The following ADAM28 variants were observed in gnomAD, a reference collection of about 807,000 sequenced individuals.
ADAM28 encodes disintegrin and metalloproteinase domain-containing protein 28.
ADAM28 carries 105 observed loss-of-function variants against 101.2 expected under a neutral mutation model. That is an observed-to-expected ratio of 1.04 (90% CI 0.89 to 1.22). The LOEUF is 1.22. Ranked by LOEUF, ADAM28 falls within the 50% of genes most tolerant of loss-of-function variation. The pLI is 0.00. For synonymous variants in ADAM28, 322 were observed against 310.6 expected (o/e 1.04, Z -0.39); for missense variants, 1,028 against 945.4 (o/e 1.09, Z -1.15).
intron 13 of ADAM28, among the ~76,000 whole-genome samples, chr8:24,333,367 A>G (rs963735286): frequency 1.3e-5 from 2 of 152,180 alleles, no homozygotes; most frequent in African/African-American, 2.4e-5. Flanking sequence ...TAAGAGACCG[A>G]TACATCAATT....
chr8:24,313,758 AT>A (rs11458720), intron 6 of ADAM28, among the ~76,000 whole-genome samples, 178 bp downstream of exon 6: 2,830 of 139,108 alleles, frequency 0.02, 69 homozygotes, highest in African/African-American at 0.062. Flanking sequence ...GGAATCAACT[AT>A]TTTTTTTTTT....
intron 18 of ADAM28, among the ~76,000 whole-genome samples, chr8:24,344,448 A>G (rs566929233): frequency 6.6e-6 from 1 of 152,266 alleles, no homozygotes; most frequent in East Asian, 1.9e-4. Context: ...TCAGGTGATG[A>G]GCCAATCTTG....
rs1811679946 is a variant in ADAM28, at chr8:24,320,178, TAGA to T, written c.577-53_577-51del. On this transcript the variant is annotated intron_variant, in intron 6 of 22. Transcript: ENST00000265769. ...TTATAAAATTACAGATGTCAAATAA[TAGA>T]AGAACTTTTGCAGAAAACAATATTG... 4.0e-6 allele frequency: 5 copies of T among 1,261,614 alleles called. No individual in the cohort carries two copies. In the African/African-American group the frequency reaches 7.6e-5, roughly 19 times the overall value. 78.2% of individuals were successfully genotyped at this position (1,261,614 alleles called of 1,614,324 possible). A position where few individuals can be genotyped will look rare whatever the true frequency, so the allele number is the denominator to read the frequency against.
intron 2 of ADAM28, among the ~76,000 whole-genome samples, chr8:24,305,912 C>G (rs1418625074): frequency 6.6e-6 from 1 of 151,920 alleles, no homozygotes; most frequent in South Asian, 2.1e-4. Context: ...TTTGAATTAC[C>G]CCACAATAAC....
At chr8:24,313,272 A>C (rs1810711861) in intron 5 of ADAM28, 116 bp from the exon 6 acceptor site, 1 of 936,998 alleles carries the variant, frequency 1.1e-6, no homozygotes, top group Non-Finnish European at 1.5e-6. Flanking sequence ...CCATGAGCTT[A>C]AATTGTTTTT....
chr8:24,324,392 A>G (rs991766627), intron 9 of ADAM28, among the ~76,000 whole-genome samples: 7 of 152,120 alleles, frequency 4.6e-5, no homozygotes, highest in African/African-American at 1.7e-4. Flanking sequence ...TTTATTTCCC[A>G]CTGAAATGAC....
intron 1 of ADAM28, 176 bp from the exon 2 acceptor site, chr8:24,299,785 TTAAGAGGAAAGAG>T: frequency 2.2e-6 from 1 of 457,520 alleles, no homozygotes; most frequent in Non-Finnish European, 3.9e-6. Context: ...AAGTAAAACT[TTAAGAGGAAAGAG>T]TAGCTTTCTG....
Position 24,341,612 on chromosome 8 carries a change from G to A in ADAM28, c.1685G>A (p.Gly562Glu), listed in dbSNP as rs1309532144. The A allele has an allele frequency of 1.9e-6, 3 of 1,613,152 alleles. No homozygotes were observed. The highest frequency in any genetic ancestry group is 2.5e-6 in the Non-Finnish European group (3 of 1,179,476). Residue 562 changes from glycine to glutamate, a missense_variant, in exon 16 of 23, where the codon GGG becomes GAG. By Grantham distance (98) the Gly-to-Glu change is moderately conservative. Transcript: ENST00000265769. ...IPCKANDTMCGKLFCQGGSDN... is the reference protein window; with the variant it reads ...IPCKANDTMCEKLFCQGGSDN... The stretch of plus-strand genomic sequence containing the variant: ...TTTTTCCTCAGTGATACCATGTGTG[G>A]GAAGTTGTTCTGTCAAGGTGGGTCG...
chr8:24,323,812 G>C (rs1452119151), intron 8 of ADAM28, 22 bp from the exon 9 acceptor site: 1 of 1,587,210 alleles, frequency 6.3e-7, no homozygotes, highest in Middle Eastern at 1.7e-4. Flanking sequence ...TAATTGCTTT[G>C]CCATTTATTT....
intron 1 of ADAM28, among the ~76,000 whole-genome samples, chr8:24,299,123 G>A (rs527979417): frequency 1.2e-3 from 187 of 152,244 alleles, no homozygotes; most frequent in Non-Finnish European, 2.4e-3. Context: ...AGCCCAGGAT[G>A]TTGAGGCTGC....
At position 24,330,036 on chromosome 8, in the gene ADAM28, G is replaced by C. The variant is rs1324560118; in HGVS notation, c.1024G>C (p.Gly342Arg). 3.7e-6 allele frequency: 6 copies of C among 1,613,600 alleles called. No homozygotes were observed. Among genetic ancestry groups the C allele is most frequent in the Non-Finnish European group, 5.1e-6 (6 of 1,179,720 alleles). Residue 342 changes from glycine to arginine, a missense_variant, in exon 11 of 23, where the codon GGC (glycine) becomes CGC (arginine). Gly to Arg is a moderately radical substitution (Grantham distance 125). Coordinates refer to ENST00000265769, the MANE Select transcript of ADAM28 (RefSeq NM_014265.6). The part of the protein sequence containing the change: ...RVAGTMAHEM[G>R]HNFGMFHDDY... ...TGCAGGGACAATGGCACATGAAATG[G>C]GCCACAACTTTGGAATGTTTCATGA...
Position 24,307,964 on chromosome 8 carries a change from C to T in ADAM28, c.151-1930C>T, listed in dbSNP as rs186068531. On this transcript the variant is annotated intron_variant, in intron 2 of 22. Coordinates refer to ENST00000265769, the MANE Select transcript of ADAM28 (RefSeq NM_014265.6). ...ATTAAGAACCTCTCTGTGTATTCTA[C>T]GGCTGCCCTTGATATTTCCTGTGTG... Among the ~76,000 whole-genome samples the T allele has an allele frequency of 2.3e-3, 343 of 152,290 alleles. 3 individuals carry two copies. The highest frequency in any genetic ancestry group is 4.0e-3 in the Non-Finnish European group (273 of 68,028).
intron 2 of ADAM28, among the ~76,000 whole-genome samples, chr8:24,306,394 A>G (rs1809695876): frequency 7.1e-6 from 1 of 141,460 alleles, no homozygotes; most frequent in African/African-American, 2.7e-5. Context: ...ATTTAAAAAT[A>G]TATATATATA....
chr8:24,335,726 T>C (rs1813948462), intron 14 of ADAM28, 85 bp downstream of exon 14: 5 of 1,418,248 alleles, frequency 3.5e-6, no homozygotes, highest in Non-Finnish European at 4.6e-6. Context: ...AAAGGACCAT[T>C]CTGTCCTATC....
At chr8:24,341,431 T>G in intron 15 of ADAM28, 167 bp from the exon 16 acceptor site, 1 of 675,566 alleles carries the variant, frequency 1.5e-6, no homozygotes, top group Non-Finnish European at 2.5e-6. Flanking sequence ...TATATTGTGC[T>G]AACGTTCAGG....
At chr8:24,320,091 C>T (rs999391373) in intron 6 of ADAM28, 145 bp from the exon 7 acceptor site, 6 of 595,804 alleles carry the variant, frequency 1.0e-5, no homozygotes, top group Admixed American at 3.3e-5. Flanking sequence ...ATAATCCTGT[C>T]GGTTGAATTG....
intron 2 of ADAM28, among the ~76,000 whole-genome samples, chr8:24,307,371 G>C (rs146698211): frequency 6.6e-6 from 1 of 152,274 alleles, no homozygotes; most frequent in East Asian, 1.9e-4. Flanking sequence ...GGCTTTACCT[G>C]TCAGCTACGC....
intron 21 of ADAM28, 92 bp downstream of exon 21, chr8:24,352,144 C>T (rs1477062836): frequency 9.2e-7 from 1 of 1,088,670 alleles, no homozygotes; most frequent in Non-Finnish European, 1.4e-6. Context: ...ATTATTTCTT[C>T]AGGACAATAT....
chr8:24,316,061 CATTTATTTATTTATTTATTTATTT>C (rs1008297441), intron 6 of ADAM28, among the ~76,000 whole-genome samples: 1 of 122,396 alleles, frequency 8.2e-6, no homozygotes, highest in African/African-American at 2.6e-5. Context: ...TCATAAAGGC[CATTTATTTATTTATTTATTTATTT>C]ATTTATTTAT....
Sources: allele counts gnomAD v4.1 joint callset (sites outside exome capture counted in the v4.1 genomes callset), GRCh38; gene constraint gnomAD v4.1.1; transcripts MANE v1.5; gene names NCBI Gene and HGNC (gene_info 2026-07-23, HGNC 2026-07-21).